THAP9: variants seen among roughly 807,000 people sequenced by gnomAD.
The protein encoded by THAP9 is THAP domain containing 9, also known as DNA transposase THAP9.
A neutral mutation model predicts 35.7 loss-of-function variants in THAP9; 20 were observed. That is an observed-to-expected ratio of 0.56 (90% CI 0.39 to 0.81). The LOEUF is 0.81. Ranked by LOEUF, THAP9 falls within the 40% of genes least tolerant of loss-of-function variation. The pLI, the probability that THAP9 is intolerant of heterozygous loss-of-function variation, is 0.00. For missense variants in THAP9, 870 were observed against 1,047.4 expected (o/e 0.83, Z 2.34); for synonymous variants, 335 against 373.7 (o/e 0.90, Z 1.19).
Position 82,919,170 on chromosome 4 carries a change from C to A in THAP9, c.*246C>A, listed in dbSNP as rs1044116262. 1.5e-5 allele frequency: 5 copies of A among 338,660 alleles called. No homozygotes were observed. Among genetic ancestry groups the A allele is most frequent in the Non-Finnish European group, 2.1e-5 (4 of 187,272 alleles). The allele number at this position is 338,660 out of a possible 1,614,324, so 21.0% of individuals were successfully genotyped here. A position where few individuals can be genotyped will look rare whatever the true frequency, so the allele number is the denominator to read the frequency against. ...GTAGGAGCAAACTAGCCAACAGGTA[C>A]TGTCTTTGAATTTACTACTGTAAGA... is the stretch of plus-strand genomic sequence containing the variant. On this transcript the variant is annotated 3_prime_UTR_variant, in exon 5 of 5. Coordinates refer to ENST00000302236, the MANE Select transcript of THAP9 (RefSeq NM_024672.6).
chr4:82,907,653 TA>T, intron 3 of THAP9, 131 bp from the exon 4 acceptor site: 1 of 692,790 alleles, frequency 1.4e-6, no homozygotes, highest in Non-Finnish European at 2.3e-6. Context: ...AACCTCTGAA[TA>T]GACTTAATCA....
Position 82,904,946 on chromosome 4 carries a change from G to A in THAP9, c.276+15G>A. ...CTCTATACAAGGTATTTAAATGTAG[G>A]TGTAAGTCAACAAAATGAAAATTTA... On this transcript the variant is annotated intron_variant, in intron 2 of 4. Coordinates refer to ENST00000302236, the MANE Select transcript of THAP9 (RefSeq NM_024672.6). 1 of 1,605,910 alleles carries A rather than the reference G, an allele frequency of 6.2e-7. No individual in the cohort carries two copies. Among genetic ancestry groups the A allele is most frequent in the Non-Finnish European group, 8.5e-7 (1 of 1,176,114 alleles).
Position 82,917,605 on chromosome 4 carries a change from CT to C in THAP9, c.1395del (p.Ala466GlnfsTer3), listed in dbSNP as rs1721082135. ...LSNMERIPST[L>X]ANLKNHVLKV... The stretch of plus-strand genomic sequence containing the variant: ...AAATATGGAAAGAATACCAAGTACA[CT>C]TGCAAATTTGAAAAATCATGTACTG... On this transcript the variant is annotated frameshift_variant, in exon 5 of 5. Transcript: ENST00000302236. LOFTEE classifies it low-confidence loss of function (END_TRUNC). 3 of 1,613,968 alleles carry C rather than the reference CT, an allele frequency of 1.9e-6. No individual in the cohort carries two copies. In the African/African-American group the frequency reaches 4.0e-5, roughly 22 times the overall value.
chr4:82,918,818 C>G lies in THAP9; in HGVS notation c.2606C>G (p.Ser869Ter), dbSNP rs2126018185. The G allele has an allele frequency of 6.2e-7, 1 of 1,613,712 alleles. No individual in the cohort carries two copies. The highest frequency in any genetic ancestry group is 2.2e-5 in the East Asian group (1 of 44,826). Residue 869 changes from serine to a stop codon, truncating the protein, a stop_gained, in exon 5 of 5, where the codon TCA becomes TGA. Transcript: ENST00000302236. LOFTEE classifies it high-confidence loss of function. ...GAGAGAACTGATATGAAAACTTTAT[C>G]AAGGAAACACTGGTCATCTGTACAG... ...HSERTDMKTL[S>*]RKHWSSVQDY...
In THAP9 at chr4:82,900,738, G is replaced by A; in HGVS notation, c.-65G>A. The A allele has an allele frequency of 6.4e-7, 1 of 1,565,602 alleles. No homozygotes were observed. The highest frequency in any genetic ancestry group is 1.7e-5 in the Admixed American group (1 of 59,770). On this transcript the variant is annotated 5_prime_UTR_variant, in exon 1 of 5. Coordinates refer to ENST00000302236, the MANE Select transcript of THAP9 (RefSeq NM_024672.6). ...CGTAGCCGCAGAGTCAACGGGCGGA[G>A]CTAAAGTGGTCGTGATTCATGCTGT...
rs112138852 is a variant in THAP9, at chr4:82,907,731, G to T, written c.581-54G>T. 815 of 1,345,570 alleles carry T rather than the reference G, an allele frequency of 6.1e-4. 10 individuals are homozygous for T. The African/African-American group carries it at 0.011, about 17-fold the overall frequency. The allele number at this position is 1,345,570 out of a possible 1,614,324, so 83.4% of individuals were successfully genotyped here. A position where few individuals can be genotyped will look rare whatever the true frequency, so the allele number is the denominator to read the frequency against. On this transcript the variant is annotated intron_variant, in intron 3 of 4. Transcript: ENST00000302236. ...ATTTTATATCCAAATGCTATAATCT[G>T]TACCTGAAAATTTTACTATTCATCA...
rs989407588 is a variant in THAP9, at chr4:82,918,455, A to C, written c.2243A>C (p.Lys748Thr). Reference protein sequence around the residue: ...ALYASDLKASKIGSLLFVKKK... With the variant: ...ALYASDLKASTIGSLLFVKKK... The stretch of plus-strand genomic sequence containing the variant: ...TATGCATCGGATCTCAAAGCCTCTA[A>C]AATTGGGTCACTATTATTTGTTAAA... Residue 748 changes from lysine (K) to threonine (T), a missense_variant, in exon 5 of 5, where the codon AAA (lysine) becomes ACA (threonine). By Grantham distance (78) the Lys-to-Thr change is moderately conservative. Around this residue, in one of 3 missense-constraint regions of THAP9, gnomAD observed 414 missense variants for 500.8 expected, o/e 0.83. Transcript: ENST00000302236. 3 of 1,614,178 alleles carry C rather than the reference A, an allele frequency of 1.9e-6. No individual in the cohort carries two copies. The highest frequency in any genetic ancestry group is 2.5e-6 in the Non-Finnish European group (3 of 1,180,014).
chr4:82,904,157 G>A (rs1365190358), intron 1 of THAP9, among the ~76,000 whole-genome samples: 4 of 148,932 alleles, frequency 2.7e-5, no homozygotes, highest in Admixed American at 6.9e-5. Flanking sequence ...CTCCACCTCC[G>A]GATTCAAGAG....
chr4:82,906,311 A>G lies in THAP9; in HGVS notation c.277-13A>G, dbSNP rs1720642757. ...ATTTCTAAAATAACTTTAATTTTATATATCTGTCATAGATTCCTCAAGGTG... is the reference window on the plus strand; with the variant it reads ...ATTTCTAAAATAACTTTAATTTTATGTATCTGTCATAGATTCCTCAAGGTG... On this transcript the variant is annotated splice_polypyrimidine_tract_variant and intron_variant, in intron 2 of 4. Transcript: ENST00000302236. 2.0e-6 allele frequency: 3 copies of G among 1,535,148 alleles called. No individual in the cohort carries two copies. Among genetic ancestry groups the G allele is most frequent in the African/African-American group, 1.4e-5 (1 of 71,718 alleles).
Position 82,919,181 on chromosome 4 carries a change from T to C in THAP9, c.*257T>C. ...CTAGCCAACAGGTACTGTCTTTGAA[T>C]TTACTACTGTAAGACTAAGCAGTGT... is the stretch of plus-strand genomic sequence containing the variant. On this transcript the variant is annotated 3_prime_UTR_variant, in exon 5 of 5. Coordinates refer to ENST00000302236, the MANE Select transcript of THAP9 (RefSeq NM_024672.6). The C allele has an allele frequency of 3.2e-6, 1 of 309,006 alleles. No individual in the cohort carries two copies. Among genetic ancestry groups the C allele is most frequent in the East Asian group, 5.9e-5 (1 of 16,872 alleles). The allele number at this position is 309,006 out of a possible 1,614,324, so 19.1% of individuals were successfully genotyped here.
Position 82,906,418 on chromosome 4 carries a change from A to G in THAP9, c.371A>G (p.His124Arg). The G allele has an allele frequency of 6.2e-7, 1 of 1,613,844 alleles. No individual in the cohort carries two copies. Among genetic ancestry groups the G allele is most frequent in the Non-Finnish European group, 8.5e-7 (1 of 1,179,768 alleles). ...TCTCAAGAAGTTGCTACTGAGGACCATAACTATAGTTTAAAGACACCTTTG... is the reference window on the plus strand; with the variant it reads ...TCTCAAGAAGTTGCTACTGAGGACCGTAACTATAGTTTAAAGACACCTTTG... The part of the protein sequence containing the change: ...DNSQEVATED[H>R]NYSLKTPLTI... Residue 124 changes from histidine to arginine, a missense_variant, in exon 3 of 5, where the codon CAT (histidine) becomes CGT (arginine). Physicochemically the swap from His to Arg is conservative, Grantham distance 29 (BLOSUM62 0). Around this residue, in one of 3 missense-constraint regions of THAP9, gnomAD observed 440 missense variants for 501.2 expected, o/e 0.88. Transcript: ENST00000302236.
At chr4:82,905,771 A>G (rs1720620292) in intron 2 of THAP9, 1 of 427,722 alleles carries the variant, frequency 2.3e-6, no homozygotes, top group Non-Finnish European at 4.7e-6. Context: ...GTTGAGAGCT[A>G]CAATGGTCCA....
chr4:82,904,732 A>G lies in THAP9; in HGVS notation c.81-4A>G. The G allele has an allele frequency of 3.7e-6, 6 of 1,614,058 alleles. No homozygotes were observed. The highest frequency in any genetic ancestry group is 1.7e-5 in the Admixed American group (1 of 60,032). On this transcript the variant is annotated splice_region_variant and splice_polypyrimidine_tract_variant and intron_variant, in intron 1 of 4. Coordinates refer to ENST00000302236, the MANE Select transcript of THAP9 (RefSeq NM_024672.6). ...TTAATGGAACTTTAATGTGATTGTC[A>G]TAGATTTCCAACTGATACCATACAG...
At chr4:82,906,206 C>A in intron 2 of THAP9, 118 bp from the exon 3 acceptor site, 1 of 829,620 alleles carries the variant, frequency 1.2e-6, no homozygotes, top group Non-Finnish European at 1.8e-6. Context: ...ATGACCTTTT[C>A]TTTCCTAACT....
chr4:82,908,072 C>A, intron 4 of THAP9, 137 bp downstream of exon 4: 1 of 842,728 alleles, frequency 1.2e-6, no homozygotes, highest in Non-Finnish European at 1.7e-6. Flanking sequence ...TATTAGTACT[C>A]ATACTCCCAT....
At chr4:82,908,354 G>A (rs1017911926) in intron 4 of THAP9, among the ~76,000 whole-genome samples, 5 of 152,070 alleles carry the variant, frequency 3.3e-5, no homozygotes, top group African/African-American at 1.2e-4. Flanking sequence ...TGGATTGATC[G>A]CCATTGGTCT....
rs776776620 is a variant in THAP9 at position 82,918,842 on chromosome 4, A to T, written c.2630A>T (p.Gln877Leu). 5 of 1,613,378 alleles carry T rather than the reference A, an allele frequency of 3.1e-6. No individual in the cohort carries two copies. The highest frequency in any genetic ancestry group is 4.2e-6 in the Non-Finnish European group (5 of 1,179,678). The change falls in exon 5 of 5, where the codon CAG becomes CTG. Residue 877 changes from glutamine (Q) to leucine (L), a missense_variant. Gln to Leu is a moderately radical substitution (Grantham distance 113). Around this residue, in one of 3 missense-constraint regions of THAP9, gnomAD observed 414 missense variants for 500.8 expected, o/e 0.83. Transcript: ENST00000302236. ...TCAAGGAAACACTGGTCATCTGTAC[A>T]GGATTATAAATGTTCAAGTTTTGCT... is the stretch of plus-strand genomic sequence containing the variant. ...TLSRKHWSSV[Q>L]DYKCSSFANT...
chr4:82,916,383 A>G (rs1721033273), intron 4 of THAP9, among the ~76,000 whole-genome samples: 1 of 152,342 alleles, frequency 6.6e-6, no homozygotes, highest in East Asian at 1.9e-4. Flanking sequence ...GCAGATGCAC[A>G]CTTGTTATAT....
intron 1 of THAP9, chr4:82,901,225 G>A (rs1051595151): frequency 1.9e-6 from 1 of 539,666 alleles, no homozygotes. Flanking sequence ...AAGTGTGTGT[G>A]TGGCGTCTTC....
Sources: gnomAD v4.1 joint callset for allele counts (sites outside exome capture counted in the v4.1 genomes callset) on GRCh38, gnomAD v4.1.1 for gene constraint, gnomAD v4.1.1 regional missense constraint, MANE v1.5 for transcripts, NCBI Gene and HGNC (gene_info 2026-07-23, HGNC 2026-07-21) for gene names.